Variants in CACNA1I observed in about 807,000 individuals in gnomAD.
CACNA1I encodes the protein voltage-dependent T-type calcium channel subunit alpha-1I.
Under a neutral mutation model 201.6 loss-of-function variants are expected in CACNA1I, and 74 were observed. The ratio of observed to expected loss-of-function variants is 0.37; its 90% confidence interval spans 0.30 to 0.45. The LOEUF is 0.45. Among genes scored for constraint, CACNA1I ranks in the 20% least tolerant of loss-of-function variants. CACNA1I has a pLI of 1.00. For missense variants in CACNA1I, 2,346 were observed against 3,138.1 expected (o/e 0.75, Z 6.03); for synonymous variants, 1,431 against 1,345.2 (o/e 1.06, Z -1.40).
Position 39,598,274 on chromosome 22 carries a change from G to GCCACCC in CACNA1I, c.348+14_348+15insACCCCC. The GCCACCC allele has an allele frequency of 7.6e-7, 1 of 1,311,228 alleles. No individual in the cohort carries two copies. Among genetic ancestry groups the GCCACCC allele is most frequent in the Non-Finnish European group, 1.0e-6 (1 of 971,820 alleles). 81.2% of individuals were successfully genotyped at this position (1,311,228 alleles called of 1,614,324 possible). A position where few individuals can be genotyped will look rare whatever the true frequency, so the allele number is the denominator to read the frequency against. ...GCAAGATCCTGCAGGTGAGCCGGCC[G>GCCACCC]CCCCGCCCCGCCCCGCCCTGCCCTC... is the stretch of plus-strand genomic sequence containing the variant. On this transcript the variant is annotated intron_variant, in intron 2 of 36. Coordinates refer to ENST00000402142, the MANE Select transcript of CACNA1I (RefSeq NM_021096.4).
At chr22:39,586,308 A>G (rs1932751531) in intron 1 of CACNA1I, among the ~76,000 whole-genome samples, 1 of 152,008 alleles carries the variant, frequency 6.6e-6, no homozygotes, top group Non-Finnish European at 1.5e-5. Context: ...TGGCCAACAT[A>G]TAATGAAACC....
At chr22:39,635,001 C>A (rs554398784) in intron 5 of CACNA1I, among the ~76,000 whole-genome samples, 12 of 152,214 alleles carry the variant, frequency 7.9e-5, no homozygotes, top group African/African-American at 2.9e-4. Flanking sequence ...GGTGAGCTCC[C>A]ATTTGGCCGC....
chr22:39,654,298 C>T (rs1934747710), intron 10 of CACNA1I, among the ~76,000 whole-genome samples: 1 of 152,228 alleles, frequency 6.6e-6, no homozygotes, highest in Non-Finnish European at 1.5e-5. Context: ...TGCACACACC[C>T]ATGCAGGCCC....
At chr22:39,656,115 A>G (rs918497744) in intron 10 of CACNA1I, among the ~76,000 whole-genome samples, 1 of 152,150 alleles carries the variant, frequency 6.6e-6, no homozygotes, top group Admixed American at 6.5e-5. Flanking sequence ...CTTGAGTCAG[A>G]TGTAATTACA....
intron 9 of CACNA1I, 43 bp downstream of exon 9, chr22:39,647,969 A>C: frequency 6.5e-7 from 1 of 1,529,600 alleles, no homozygotes; most frequent in Non-Finnish European, 9.0e-7. Flanking sequence ...CCCAGCCCCA[A>C]TACCACTTCT....
intron 1 of CACNA1I, among the ~76,000 whole-genome samples, chr22:39,590,385 G>A (rs1932807291): frequency 6.6e-6 from 1 of 152,210 alleles, no homozygotes; most frequent in Admixed American, 6.5e-5. Context: ...AACCACAGCA[G>A]GGGCTGGAGC....
chr22:39,634,785 C>A, intron 5 of CACNA1I, 61 bp downstream of exon 5: 1 of 1,520,538 alleles, frequency 6.6e-7, no homozygotes, highest in South Asian at 1.2e-5. Flanking sequence ...ACAGTTTTAA[C>A]CTTCTGGGTC....
chr22:39,578,003 C>T (rs1055426361), intron 1 of CACNA1I, among the ~76,000 whole-genome samples: 1 of 151,678 alleles, frequency 6.6e-6, no homozygotes. Flanking sequence ...AAACTAAGTG[C>T]TGAGTGGCAG....
rs1231173892 is a variant in CACNA1I at position 39,649,471 on chromosome 22, G to A, written c.1568-30G>A. The A allele has an allele frequency of 5.2e-6, 8 of 1,535,108 alleles. No homozygotes were observed. Among genetic ancestry groups the A allele is most frequent in the Non-Finnish European group, 3.5e-6 (4 of 1,140,638 alleles). On this transcript the variant is annotated intron_variant, in intron 9 of 36. Transcript: ENST00000402142. This position sits in a 1 kb window ranked among gnomAD's most constrained non-coding sequence, Gnocchi z 7.3. ...GTGGATTGGGCCTGGTGTGGGCAACGACTCTATGCCCCTCTCATTTGCTTT... is the reference window on the plus strand; with the variant it reads ...GTGGATTGGGCCTGGTGTGGGCAACAACTCTATGCCCCTCTCATTTGCTTT...
intron 35 of CACNA1I, among the ~76,000 whole-genome samples, chr22:39,683,233 T>C (rs570763921): frequency 2.2e-4 from 34 of 152,142 alleles, no homozygotes; most frequent in Non-Finnish European, 4.9e-4. Context: ...CTCATCTTTG[T>C]TGTGGTCCTC....
At chr22:39,581,742 C>T (rs1317803358) in intron 1 of CACNA1I, among the ~76,000 whole-genome samples, 2 of 152,206 alleles carry the variant, frequency 1.3e-5, no homozygotes, top group African/African-American at 4.8e-5. Context: ...CAAATAGCCT[C>T]ATTTATTTTC....
chr22:39,593,388 G>A (rs950026939), intron 1 of CACNA1I, among the ~76,000 whole-genome samples: 1 of 152,178 alleles, frequency 6.6e-6, no homozygotes, highest in East Asian at 1.9e-4. Flanking sequence ...GCTAGCCAGG[G>A]CAGGTGGGAG....
chr22:39,591,479 A>G (rs1258899574), intron 1 of CACNA1I, among the ~76,000 whole-genome samples: 3 of 151,918 alleles, frequency 2.0e-5, no homozygotes, highest in Non-Finnish European at 4.4e-5. Context: ...GATTCTTTAC[A>G]AAAGGCTGTG....
chr22:39,634,687 C>T lies in CACNA1I; in HGVS notation c.703C>T (p.Leu235=). The change falls in exon 5 of 37, where the codon CTG becomes TTG. Residue 235 remains leucine, a synonymous_variant. Transcript: ENST00000402142. ...AGGTGTGCAGCTCTGGGCGGGCCTG[C>T]TGCGTAACCGCTGCTTCCTGGAGGA... ...IIGVQLWAGL[L]RNRCFLEENF... 4 of 1,613,860 alleles carry T rather than the reference C, an allele frequency of 2.5e-6. No individual in the cohort carries two copies. Among genetic ancestry groups the T allele is most frequent in the Non-Finnish European group, 3.4e-6 (4 of 1,179,840 alleles).
intron 4 of CACNA1I, among the ~76,000 whole-genome samples, chr22:39,622,360 G>A (rs1386730639): frequency 6.6e-6 from 1 of 151,380 alleles, no homozygotes; most frequent in Non-Finnish European, 1.5e-5. Flanking sequence ...AGGGGAGGAT[G>A]GGGATTGAGT....
rs986717368 is a variant in CACNA1I, at chr22:39,666,202, G to T, written c.4104+196G>T. ...AGGTGGGATGAGGCTTAGAGAGTCT[G>T]TGTGCAGAGTGCCCAGCAAATGCCT... On this transcript the variant is annotated intron_variant, in intron 23 of 36. Coordinates refer to ENST00000402142, the MANE Select transcript of CACNA1I (RefSeq NM_021096.4). The surrounding 1 kb of genome is among the most constrained non-coding windows in gnomAD (Gnocchi z 4.1). Among the ~76,000 whole-genome samples the T allele has an allele frequency of 6.6e-6, 1 of 152,206 alleles. No individual in the cohort carries two copies. The highest frequency in any genetic ancestry group is 2.4e-5 in the African/African-American group (1 of 41,444).
chr22:39,652,809 G>A (rs1349202871), intron 10 of CACNA1I, among the ~76,000 whole-genome samples: 4 of 152,220 alleles, frequency 2.6e-5, no homozygotes, highest in Non-Finnish European at 5.9e-5. Context: ...GGAGGCTGAG[G>A]TGGGAGGTTT....
Position 39,649,503 on chromosome 22 carries a change from C to G in CACNA1I, c.1570C>G (p.Leu524Val). 1 of 1,563,366 alleles carries G rather than the reference C, an allele frequency of 6.4e-7. No individual in the cohort carries two copies. The highest frequency in any genetic ancestry group is 8.7e-7 in the Non-Finnish European group (1 of 1,154,370). ...TGCCCCTCTCATTTGCTTTTCAGAG[C>G]TGTGCCCGCAACATAGCCCCCTGGA... ...SPGNDHSGRE[L>V]CPQHSPLDAT... The change falls in exon 10 of 37, where the codon CTG (leucine) becomes GTG (valine). Residue 524 changes from leucine to valine, a missense_variant and splice_region_variant. This residue lies in a region of CACNA1I where 312 missense variants were observed against 331.5 expected (regional missense o/e 0.94). Coordinates refer to ENST00000402142, the MANE Select transcript of CACNA1I (RefSeq NM_021096.4). This position sits in a 1 kb window ranked among gnomAD's most constrained non-coding sequence, Gnocchi z 7.3.
At chr22:39,662,572 A>G in intron 17 of CACNA1I, 137 bp downstream of exon 17, 1 of 732,518 alleles carries the variant, frequency 1.4e-6, no homozygotes, top group Non-Finnish European at 2.2e-6. Context: ...CTAGGGCTTC[A>G]GGTGTGAGGC....
Sources: gnomAD v4.1 joint callset for allele counts (sites outside exome capture counted in the v4.1 genomes callset) on GRCh38, gnomAD v4.1.1 for gene constraint, gnomAD v4.1.1 regional missense constraint, Gnocchi (gnomAD v3.1) non-coding constraint, MANE v1.5 for transcripts, NCBI Gene and HGNC (gene_info 2026-07-23, HGNC 2026-07-21) for gene names.